The following KYAT1 variants were observed in gnomAD, a reference collection of about 807,000 sequenced individuals.
KYAT1 encodes kynurenine--oxoglutarate transaminase 1.
KYAT1 carries 47 observed loss-of-function variants against 52.4 expected under a neutral mutation model. The ratio of observed to expected loss-of-function variants is 0.90; its 90% CI spans 0.71 to 1.14. The LOEUF (loss-of-function observed/expected upper bound fraction) is 1.14, where lower values mean the gene tolerates loss of function less well. Among genes scored for constraint, KYAT1 ranks in the 50% most tolerant of loss-of-function variants. The pLI is 0.00. For synonymous variants in KYAT1, 212 were observed against 209.6 expected (o/e 1.01, Z -0.10); for missense variants, 480 against 557.9 (o/e 0.86, Z 1.41).
intron 1 of KYAT1, among the ~76,000 whole-genome samples, chr9:128,852,654 A>G (rs929921200): frequency 6.6e-6 from 1 of 152,226 alleles, no homozygotes; most frequent in African/African-American, 2.4e-5. Context: ...CCTTTCCATT[A>G]TTTGGGAATG....
intron 11 of KYAT1, 137 bp from the exon 12 acceptor site, chr9:128,833,963 G>C (rs533192233): frequency 1.5e-6 from 1 of 667,260 alleles, no homozygotes; most frequent in African/African-American, 1.8e-5. Flanking sequence ...CTGCATCAAA[G>C]TCAGAGGAAC....
chr9:128,835,538 G>C lies in KYAT1; in HGVS notation c.985C>G (p.Leu329Val). Residue 329 changes from leucine to valine, a missense_variant, in exon 10 of 13, where the codon CTG (leucine) becomes GTG (valine). Coordinates refer to ENST00000302586, the MANE Select transcript of KYAT1 (RefSeq NM_004059.5). ...HMIRSLQSVG[L>V]KPIIPQGSYF... is the part of the protein sequence containing the mutation. ...CTGCCCTGAGGGATGATGGGCTTCAGGCCCACTGACTGTAGGCTACGTATC... is the reference window on the plus strand; with the variant it reads ...CTGCCCTGAGGGATGATGGGCTTCACGCCCACTGACTGTAGGCTACGTATC... The C allele has an allele frequency of 6.2e-7, 1 of 1,613,712 alleles. No individual in the cohort carries two copies. Among genetic ancestry groups the C allele is most frequent in the African/African-American group, 1.3e-5 (1 of 75,058 alleles).
intron 1 of KYAT1, among the ~76,000 whole-genome samples, chr9:128,865,184 T>C (rs1156327178): frequency 7.2e-6 from 1 of 139,612 alleles, no homozygotes; most frequent in Non-Finnish European, 1.5e-5. Context: ...ATAATTGCAC[T>C]ACTGCACTGC....
intron 5 of KYAT1, 67 bp downstream of exon 5, chr9:128,837,984 C>T (rs1831430057): frequency 6.4e-7 from 1 of 1,557,048 alleles, no homozygotes; most frequent in Admixed American, 1.7e-5. Context: ...TTTTCCAACT[C>T]CCAGGGTCCA....
At chr9:128,865,334 TATATATATATATATATATATATATA>T (rs1836136295) in intron 1 of KYAT1, among the ~76,000 whole-genome samples, 17 of 2,438 alleles carry the variant, frequency 7.0e-3, no homozygotes, top group South Asian at 0.03. Flanking sequence ...TATATATATA[TATATATATATATATATATATATATA>T]TTTTTTTTTT....
rs762683224 is a variant in KYAT1 at position 128,845,310 on chromosome 9, C to T, written c.53+43G>A. 6.3e-6 allele frequency: 10 copies of T among 1,582,316 alleles called. No homozygotes were observed. The African/African-American group carries it at 1.1e-4, about 17-fold the overall frequency. On this transcript the variant is annotated intron_variant, in intron 2 of 12. Transcript: ENST00000302586. ...TAAACCCAGGGATGGCCAACCCATGCCCGAGGGGACACCCACACACCTCCC... is the reference window on the plus strand; with the variant it reads ...TAAACCCAGGGATGGCCAACCCATGTCCGAGGGGACACCCACACACCTCCC...
chr9:128,874,435 C>G (rs757025078), intron 1 of KYAT1, among the ~76,000 whole-genome samples: 24 of 150,862 alleles, frequency 1.6e-4, no homozygotes, highest in Non-Finnish European at 3.0e-4. Flanking sequence ...CCTCATTCTC[C>G]TGAGTTGCTG....
intron 1 of KYAT1, among the ~76,000 whole-genome samples, chr9:128,864,243 A>G (rs939654608): frequency 4.0e-5 from 6 of 151,556 alleles, no homozygotes; most frequent in Admixed American, 4.0e-4. Context: ...GCGGGTGCCT[A>G]TAGTCCCAGC....
chr9:128,850,593 T>G lies in KYAT1; in HGVS notation c.-6-5182A>C, dbSNP rs527457267. ...AAAGCCGCGTATTGTCCGAGGTTTCTCCCCATGTGATAGTCTGAAATATGG... is the reference window on the plus strand; with the variant it reads ...AAAGCCGCGTATTGTCCGAGGTTTCGCCCCATGTGATAGTCTGAAATATGG... On this transcript the variant is annotated intron_variant, in intron 1 of 12. Coordinates refer to ENST00000302586, the MANE Select transcript of KYAT1 (RefSeq NM_004059.5). 3.9e-5 allele frequency among the ~76,000 whole-genome samples: 6 copies of G among 152,294 alleles called. No individual in the cohort carries two copies. The East Asian group carries it at 1.2e-3, about 29-fold the overall frequency.
At chr9:128,847,760 G>C (rs753722447) in intron 1 of KYAT1, 39 of 481,258 alleles carry the variant, frequency 8.1e-5, no homozygotes, top group Non-Finnish European at 1.3e-4. Flanking sequence ...TAAGAACCCT[G>C]TTACTCATAT....
At chr9:128,846,625 AGAAAG>A in intron 1 of KYAT1, 4 of 843,972 alleles carry the variant, frequency 4.7e-6, no homozygotes, top group South Asian at 2.5e-5. Context: ...AAAAAAAAAA[AGAAAG>A]AAAGAAATTG....
At chr9:128,868,638 G>A (rs1016464854) in intron 1 of KYAT1, among the ~76,000 whole-genome samples, 1 of 151,900 alleles carries the variant, frequency 6.6e-6, no homozygotes, top group East Asian at 1.9e-4. Flanking sequence ...ATAGAGTCAA[G>A]CAATCTTCCT....
chr9:128,835,428 C>T, intron 10 of KYAT1, 26 bp from the exon 11 acceptor site: 2 of 1,613,618 alleles, frequency 1.2e-6, no homozygotes, highest in Middle Eastern at 1.6e-4. Context: ...CACACTGAGC[C>T]CCCTGCAGCC....
rs911153191 is a variant in KYAT1, at chr9:128,845,513, C to A, written c.-6-102G>T. The A allele has an allele frequency of 9.4e-6, 10 of 1,064,524 alleles. No homozygotes were observed. The African/African-American group carries it at 1.2e-4, about 13-fold the overall frequency. 65.9% of individuals were successfully genotyped at this position (1,064,524 alleles called of 1,614,324 possible). A position where few individuals can be genotyped will look rare whatever the true frequency, so the allele number is the denominator to read the frequency against. On this transcript the variant is annotated intron_variant, in intron 1 of 12. Coordinates refer to ENST00000302586, the MANE Select transcript of KYAT1 (RefSeq NM_004059.5). Reference sequence around the variant, plus strand: ...AGCTGCTTTCAGGCCACAGCGCCATCCTGTCTGCTCCCAGGAGGGGGAAGA... The same window carrying A: ...AGCTGCTTTCAGGCCACAGCGCCATACTGTCTGCTCCCAGGAGGGGGAAGA...
intron 6 of KYAT1, among the ~76,000 whole-genome samples, chr9:128,837,218 CAGG>C (rs1290211714): frequency 1.3e-5 from 2 of 152,164 alleles, no homozygotes; most frequent in African/African-American, 4.8e-5. Flanking sequence ...TGCTTGAACC[CAGG>C]AGGCAGAGGT....
At chr9:128,833,672 C>T (rs778221122) in intron 12 of KYAT1, 29 bp from the exon 13 acceptor site, 3 of 1,614,130 alleles carry the variant, frequency 1.9e-6, no homozygotes, top group Non-Finnish European at 1.7e-6. Flanking sequence ...GTCCTACACT[C>T]TCCCCATGTG....
chr9:128,846,925 A>C (rs1215005234), intron 1 of KYAT1: 35 of 1,374,700 alleles, frequency 2.5e-5, no homozygotes, highest in Non-Finnish European at 3.4e-5. Context: ...TTCCCACTGC[A>C]CTCTCACTAG....
At chr9:128,855,213 G>A (rs1834449072) in intron 1 of KYAT1, among the ~76,000 whole-genome samples, 1 of 152,150 alleles carries the variant, frequency 6.6e-6, no homozygotes, top group Non-Finnish European at 1.5e-5. Context: ...TATTATGGTT[G>A]TATGGGCCAG....
At chr9:128,841,885 T>C (rs1049891413) in intron 3 of KYAT1, among the ~76,000 whole-genome samples, 2 of 151,804 alleles carry the variant, frequency 1.3e-5, no homozygotes, top group African/African-American at 4.8e-5. Flanking sequence ...CTCTAGAGGC[T>C]GAGGTGGGAG....
Sources: allele counts gnomAD v4.1 joint callset (sites outside exome capture counted in the v4.1 genomes callset), GRCh38; gene constraint gnomAD v4.1.1; transcripts MANE v1.5; gene names NCBI Gene and HGNC (gene_info 2026-07-23, HGNC 2026-07-21).